Variants in ANK2 observed in about 807,000 individuals in gnomAD.
ANK2 encodes the protein ankyrin-2.
In ANK2, 83 loss-of-function variants were observed where a neutral mutation model predicts 360.5. The ratio of observed to expected loss-of-function variants is 0.23; its 90% confidence interval spans 0.19 to 0.28. The LOEUF is 0.28. Among genes scored for constraint, ANK2 ranks in the 10% least tolerant of loss-of-function variants. The probability of loss-of-function intolerance (pLI) is 1.00; values close to 1 mark genes in which losing one functional copy is unlikely to be tolerated. For synonymous variants in ANK2, 1,740 were observed against 1,759.5 expected (o/e 0.99, Z 0.28); for missense variants, 4,201 against 4,795.7 (o/e 0.88, Z 3.66).
the ANK2 span, among the ~76,000 whole-genome samples, chr4:112,812,389 C>T: frequency 6.6e-6 from 1 of 152,206 alleles, no homozygotes; most frequent in Admixed American, 6.5e-5. Context: ...ATCTCCATTG[C>T]TTCTGCCTGG....
At chr4:112,716,427 T>C in the ANK2 span, among the ~76,000 whole-genome samples, 2 of 152,204 alleles carry the variant, frequency 1.3e-5, no homozygotes, top group Non-Finnish European at 2.9e-5. Context: ...TCTAATGGTA[T>C]AATGTTAGTG....
intron 1 of ANK2, among the ~76,000 whole-genome samples, chr4:112,867,193 A>C (rs2070936495): frequency 6.6e-6 from 1 of 151,554 alleles, no homozygotes; most frequent in Non-Finnish European, 1.5e-5. Context: ...TCTTCCCTAA[A>C]CACTTGTTTT....
At chr4:113,346,128 G>T (rs934473640) in intron 35 of ANK2, 106 bp downstream of exon 35, 3 of 1,296,314 alleles carry the variant, frequency 2.3e-6, no homozygotes, top group Non-Finnish European at 3.3e-6. Flanking sequence ...AATTGCTTTT[G>T]CACTGACCTA....
At chr4:112,873,293 G>A (rs1270220934) in intron 1 of ANK2, among the ~76,000 whole-genome samples, 2 of 151,360 alleles carry the variant, frequency 1.3e-5, no homozygotes, top group Admixed American at 1.3e-4. Context: ...TTTATAAGTT[G>A]AAATGTTAGG....
chr4:113,210,090 G>T (rs899911893), intron 4 of ANK2, among the ~76,000 whole-genome samples: 1 of 152,104 alleles, frequency 6.6e-6, no homozygotes, highest in African/African-American at 2.4e-5. Context: ...TAGCTTCCTT[G>T]GCTGCTATTA....
the ANK2 span, chr4:112,739,062 G>GCC: frequency 1.8e-6 from 1 of 564,216 alleles, no homozygotes; most frequent in Non-Finnish European, 3.4e-6. Context: ...GGCCATCAGA[G>GCC]TCACCAACCC....
chr4:112,735,665 T>C, the ANK2 span, among the ~76,000 whole-genome samples: 1 of 152,248 alleles, frequency 6.6e-6, no homozygotes, highest in South Asian at 2.1e-4. Context: ...GGGGTATGTA[T>C]ATTCTATTTC....
rs80172765 is a variant in ANK2, at chr4:113,187,136, G to A, written c.187-9232G>A. Reference sequence around the variant, plus strand: ...CAGGCTGGAGTGGGCAGAGGGGACAGTTTGAAATAAATCTCTGCACCTCAG... The same window carrying A: ...CAGGCTGGAGTGGGCAGAGGGGACAATTTGAAATAAATCTCTGCACCTCAG... On this transcript the variant is annotated intron_variant, in intron 2 of 45. Transcript: ENST00000357077. Among the ~76,000 whole-genome samples the A allele has an allele frequency of 5.0e-3, 759 of 151,928 alleles. 4 individuals carry two copies. Among genetic ancestry groups the A allele is most frequent in the African/African-American group, 0.017 (717 of 41,410 alleles).
intron 1 of ANK2, among the ~76,000 whole-genome samples, chr4:113,076,332 T>A (rs1478702312): frequency 6.6e-6 from 1 of 152,250 alleles, no homozygotes; most frequent in Non-Finnish European, 1.5e-5. Context: ...GCTAAGGCAT[T>A]GTATTCTTAG....
intron 1 of ANK2, among the ~76,000 whole-genome samples, chr4:113,097,801 C>A (rs1187465138): frequency 6.7e-6 from 1 of 149,692 alleles, no homozygotes; most frequent in Non-Finnish European, 1.5e-5. Context: ...AAAGTAAAAA[C>A]CCAAAATAGC....
At chr4:113,198,884 A>G (rs1310944967) in intron 3 of ANK2, 127 bp from the exon 4 acceptor site, 11 of 782,538 alleles carry the variant, frequency 1.4e-5, no homozygotes, top group Admixed American at 2.2e-5. Flanking sequence ...TAAGTGGGCT[A>G]CTATCTTGAT....
intron 1 of ANK2, among the ~76,000 whole-genome samples, chr4:113,162,657 G>A (rs2097577891): frequency 6.7e-6 from 1 of 149,820 alleles, no homozygotes; most frequent in African/African-American, 2.5e-5. Context: ...CTATTGCTTA[G>A]ACTACTGCCT....
intron 1 of ANK2, among the ~76,000 whole-genome samples, chr4:113,158,812 A>T (rs1481116989): frequency 1.3e-5 from 2 of 152,158 alleles, no homozygotes; most frequent in East Asian, 3.9e-4. Flanking sequence ...AACTAAGTTA[A>T]ATTTGGTTAA....
chr4:112,807,862 A>C, the ANK2 span, among the ~76,000 whole-genome samples: 1 of 152,242 alleles, frequency 6.6e-6, no homozygotes, highest in Admixed American at 6.5e-5. Context: ...AGACATGTTT[A>C]TTAAATTTGC....
At chr4:113,187,292 A>G (rs746501540) in intron 2 of ANK2, among the ~76,000 whole-genome samples, 2 of 152,308 alleles carry the variant, frequency 1.3e-5, no homozygotes, top group African/African-American at 2.4e-5. Context: ...TAGAGGAGGG[A>G]AGCAGGCAGA....
intron 2 of ANK2, among the ~76,000 whole-genome samples, chr4:112,996,322 A>AAT (rs1409651766): frequency 6.6e-6 from 1 of 152,168 alleles, no homozygotes; most frequent in Non-Finnish European, 1.5e-5. Flanking sequence ...AGGAGTGATG[A>AAT]ATATATGTTC....
At chr4:112,826,651 C>T in intron 1 of ANK2, 2 of 1,039,756 alleles carry the variant, frequency 1.9e-6, no homozygotes. Context: ...AAACGGGTGA[C>T]CACACTTACA....
chr4:113,000,949 T>G (rs1225471849), intron 2 of ANK2, among the ~76,000 whole-genome samples: 1 of 152,212 alleles, frequency 6.6e-6, no homozygotes, highest in African/African-American at 2.4e-5. Flanking sequence ...TACAAAAGTT[T>G]GAGCTCATGT....
intron 1 of ANK2, among the ~76,000 whole-genome samples, chr4:113,131,235 A>G (rs557985478): frequency 2.4e-4 from 37 of 152,130 alleles, no homozygotes; most frequent in African/African-American, 8.9e-4. Context: ...CATAACTCCT[A>G]TTTGCACTGT....
Sources: allele counts gnomAD v4.1 joint callset (sites outside exome capture counted in the v4.1 genomes callset), GRCh38; gene constraint gnomAD v4.1.1; transcripts MANE v1.5; gene names NCBI Gene and HGNC (gene_info 2026-07-23, HGNC 2026-07-21).